Variants in TSPAN9 observed in about 807,000 individuals in gnomAD.
TSPAN9 encodes the protein tetraspanin-9.
In TSPAN9, 16 loss-of-function variants were observed where a neutral mutation model predicts 31.0. That is an observed-to-expected ratio of 0.52 (90% CI 0.35 to 0.78). TSPAN9 has a LOEUF of 0.78. TSPAN9 is among the 30% of genes least tolerant of loss of function. The pLI is 0.01. For synonymous variants in TSPAN9, 145 were observed against 121.6 expected, an observed-to-expected ratio of 1.19 and a Z score of -1.27; for missense variants, 272 against 312.5, an observed-to-expected ratio of 0.87 and a Z score of 0.98.
intron 2 of TSPAN9, among the ~76,000 whole-genome samples, chr12:3,149,156 T>C (rs1202494846): frequency 6.6e-6 from 1 of 152,208 alleles, no homozygotes; most frequent in African/African-American, 2.4e-5. Flanking sequence ...TTAGCTTTGC[T>C]GTAGTTTTTG....
At chr12:3,237,695 G>A (rs1338244848) in intron 3 of TSPAN9, among the ~76,000 whole-genome samples, 2 of 152,198 alleles carry the variant, frequency 1.3e-5, no homozygotes, top group Non-Finnish European at 2.9e-5. Context: ...TTATGATGTA[G>A]GGTTTCAGCT....
chr12:3,176,087 T>G (rs2098355403), intron 2 of TSPAN9, among the ~76,000 whole-genome samples: 1 of 152,256 alleles, frequency 6.6e-6, no homozygotes, highest in Admixed American at 6.5e-5. Context: ...GAAGTGGCTC[T>G]CACGCGCTTC....
intron 2 of TSPAN9, among the ~76,000 whole-genome samples, chr12:3,096,124 CG>C (rs1391029456): frequency 6.6e-6 from 1 of 152,158 alleles, no homozygotes; most frequent in East Asian, 1.9e-4. Context: ...GGTCGGGCGG[CG>C]GCGGCTGCCG....
At chr12:3,199,302 G>A (rs1194475587) in intron 2 of TSPAN9, among the ~76,000 whole-genome samples, 1 of 152,182 alleles carries the variant, frequency 6.6e-6, no homozygotes, top group East Asian at 1.9e-4. Flanking sequence ...TCTTGCCCTC[G>A]GGTGCTCTCA....
chr12:3,178,373 C>T (rs909864778), intron 2 of TSPAN9, among the ~76,000 whole-genome samples: 1 of 151,964 alleles, frequency 6.6e-6, no homozygotes, highest in African/African-American at 2.4e-5. Flanking sequence ...TCACTGCAAC[C>T]CCTGCTTCCT....
rs532741098 is a variant in TSPAN9, at chr12:3,172,910, C to T, written c.-17-28267C>T. On this transcript the variant is annotated intron_variant, in intron 2 of 8. Coordinates refer to ENST00000011898, the MANE Select transcript of TSPAN9 (RefSeq NM_006675.5). The surrounding 1 kb of genome is among the most constrained non-coding windows in gnomAD (Gnocchi z 4.8). The stretch of plus-strand genomic sequence containing the variant: ...TGGTCCCAGCGCAGGTTGTTACCAC[C>T]GCTGGGCCCTCCCACCACCTGACCT... 3.9e-5 allele frequency: 6 copies of T among 152,372 alleles called. No homozygotes were observed. Among genetic ancestry groups the T allele is most frequent in the South Asian group, 2.1e-4 (1 of 4,830 alleles). The allele number at this position is 152,372 out of a possible 1,614,324, so 9.4% of individuals were successfully genotyped here. A position where few individuals can be genotyped will look rare whatever the true frequency, so the allele number is the denominator to read the frequency against.
intron 2 of TSPAN9, among the ~76,000 whole-genome samples, chr12:3,089,646 T>C (rs1396374140): frequency 3.3e-5 from 5 of 151,930 alleles, no homozygotes; most frequent in African/African-American, 1.2e-4. Flanking sequence ...TGTGGTAGCT[T>C]ATGCCTGTAC....
intron 2 of TSPAN9, among the ~76,000 whole-genome samples, chr12:3,141,888 A>G (rs1027906958): frequency 2.6e-5 from 4 of 152,054 alleles, no homozygotes; most frequent in African/African-American, 9.7e-5. Context: ...AGTGGCAGCC[A>G]CCTCAGACTT....
At chr12:3,090,714 C>T (rs1242778422) in intron 2 of TSPAN9, among the ~76,000 whole-genome samples, 3 of 152,042 alleles carry the variant, frequency 2.0e-5, no homozygotes, top group Non-Finnish European at 4.4e-5. Context: ...GTGGGGAGGA[C>T]GCGGACGTGC....
intron 3 of TSPAN9, among the ~76,000 whole-genome samples, chr12:3,235,278 G>A (rs1361036202): frequency 2.9e-5 from 3 of 102,906 alleles, no homozygotes; most frequent in Admixed American, 1.2e-4. Context: ...ATATGTAAGT[G>A]AATGAAGGAA....
chr12:3,240,808 C>T (rs1429491270), intron 3 of TSPAN9, among the ~76,000 whole-genome samples: 2 of 152,050 alleles, frequency 1.3e-5, no homozygotes, highest in Non-Finnish European at 2.9e-5. Flanking sequence ...ATGGCGTGGA[C>T]GTTGGAGAGT....
At chr12:3,243,168 T>G (rs2098397486) in intron 3 of TSPAN9, among the ~76,000 whole-genome samples, 1 of 152,162 alleles carries the variant, frequency 6.6e-6, no homozygotes, top group Non-Finnish European at 1.5e-5. Flanking sequence ...TGGTTTCCCT[T>G]GAGCTTTTCT....
chr12:3,279,107 T>G, intron 5 of TSPAN9, 41 bp downstream of exon 5: 1 of 1,591,552 alleles, frequency 6.3e-7, no homozygotes, highest in Middle Eastern at 1.7e-4. Context: ...GGAATGTCAC[T>G]GCCCTTAGAG....
chr12:3,233,098 A>C lies in TSPAN9; in HGVS notation c.63+31842A>C, dbSNP rs766851256. 3.2e-4 allele frequency among the ~76,000 whole-genome samples: 49 copies of C among 152,214 alleles called. 1 individual carries two copies. The highest frequency in any genetic ancestry group is 3.4e-3 in the Middle Eastern group (1 of 294). On this transcript the variant is annotated intron_variant, in intron 3 of 8. Transcript: ENST00000011898. ...CCCAGGAATGGGGACAGAGAACTTGAGACTTTGCTGGCTAGGTCAAACCGA... is the reference window on the plus strand; with the variant it reads ...CCCAGGAATGGGGACAGAGAACTTGCGACTTTGCTGGCTAGGTCAAACCGA...
intron 2 of TSPAN9, among the ~76,000 whole-genome samples, chr12:3,135,993 C>T (rs7969147): frequency 0.17 from 25,837 of 152,082 alleles, 2,292 homozygotes; most frequent in Middle Eastern, 0.24. Flanking sequence ...AAGCCGAGAC[C>T]CAGTGTCCCC....
At position 3,125,739 on chromosome 12, in the gene TSPAN9, G is replaced by T. The variant is rs1040437477; in HGVS notation, c.-18+42020G>T. Among the ~76,000 whole-genome samples the T allele has an allele frequency of 2.0e-5, 3 of 152,046 alleles. No homozygotes were observed. In the South Asian group the frequency reaches 6.3e-4, roughly 32 times the overall value. On this transcript the variant is annotated intron_variant, in intron 2 of 8. Transcript: ENST00000011898. ...AAATAGTGCCTTGTTGTTGTGGCCTGCTGGGTGACACCAGGGCAGCCTGGT... is the reference window on the plus strand; with the variant it reads ...AAATAGTGCCTTGTTGTTGTGGCCTTCTGGGTGACACCAGGGCAGCCTGGT...
intron 3 of TSPAN9, among the ~76,000 whole-genome samples, chr12:3,271,214 G>C (rs1279567375): frequency 1.3e-5 from 2 of 152,236 alleles, no homozygotes; most frequent in Admixed American, 1.3e-4. Context: ...GGCTTTGAGA[G>C]AAAGTGTGGG....
At chr12:3,210,380 T>C (rs1360986890) in intron 3 of TSPAN9, among the ~76,000 whole-genome samples, 1 of 152,236 alleles carries the variant, frequency 6.6e-6, no homozygotes, top group Non-Finnish European at 1.5e-5. Flanking sequence ...TGTAAAATGC[T>C]ATATTATAAT....
At chr12:3,222,118 T>G (rs1314074357) in intron 3 of TSPAN9, among the ~76,000 whole-genome samples, 3 of 152,232 alleles carry the variant, frequency 2.0e-5, no homozygotes, top group Non-Finnish European at 4.4e-5. Flanking sequence ...TCTAACTGTC[T>G]TTTCCTGAAA....
Sources: gnomAD v4.1 joint callset for allele counts (sites outside exome capture counted in the v4.1 genomes callset) on GRCh38, gnomAD v4.1.1 for gene constraint, Gnocchi (gnomAD v3.1) non-coding constraint, MANE v1.5 for transcripts, NCBI Gene and HGNC (gene_info 2026-07-23, HGNC 2026-07-21) for gene names.